Variants in TMEM131L observed in about 807,000 individuals in gnomAD.
TMEM131L encodes transmembrane protein 131-like.
Under a neutral mutation model 192.2 loss-of-function variants are expected in TMEM131L, and 54 were observed. The ratio of observed to expected loss-of-function variants is 0.28; its 90% confidence interval spans 0.23 to 0.35. The LOEUF (loss-of-function observed/expected upper bound fraction) is 0.35, where lower values mean the gene tolerates loss of function less well. TMEM131L is among the 10% of genes least tolerant of loss of function. TMEM131L has a pLI of 1.00. For missense variants in TMEM131L, 1,888 were observed against 1,972.9 expected (o/e 0.96, Z 0.82); for synonymous variants, 701 against 704.9 (o/e 0.99, Z 0.09).
intron 3 of TMEM131L, among the ~76,000 whole-genome samples, chr4:153,507,243 A>G (rs2150043679): frequency 6.6e-6 from 1 of 152,284 alleles, no homozygotes; most frequent in Non-Finnish European, 1.5e-5. Context: ...TGTCTTCATC[A>G]GTCTCTGGAT....
intron 3 of TMEM131L, among the ~76,000 whole-genome samples, chr4:153,545,567 A>G (rs764622016): frequency 4.6e-5 from 7 of 152,130 alleles, no homozygotes; most frequent in Admixed American, 3.3e-4. Flanking sequence ...GATTACAGGC[A>G]TGAGCCACCG....
At chr4:153,528,718 A>G (rs1055182956) in intron 3 of TMEM131L, among the ~76,000 whole-genome samples, 8 of 152,300 alleles carry the variant, frequency 5.3e-5, no homozygotes, top group Admixed American at 3.9e-4. Context: ...GGTACAGCGT[A>G]TGCCTCTGTT....
At chr4:153,596,489 A>C in intron 20 of TMEM131L, 104 bp downstream of exon 20, 1 of 1,393,834 alleles carries the variant, frequency 7.2e-7, no homozygotes, top group Non-Finnish European at 1.0e-6. Context: ...GACCTTCAGG[A>C]TGAAGGCTGT....
At chr4:153,533,239 C>T (rs1043881543) in intron 3 of TMEM131L, among the ~76,000 whole-genome samples, 2 of 152,192 alleles carry the variant, frequency 1.3e-5, no homozygotes, top group Non-Finnish European at 2.9e-5. Context: ...CCCGCCTTGG[C>T]CTCCCAAAGT....
intron 3 of TMEM131L, among the ~76,000 whole-genome samples, chr4:153,533,414 C>G (rs1260283247): frequency 1.3e-5 from 2 of 152,184 alleles, no homozygotes; most frequent in Non-Finnish European, 2.9e-5. Flanking sequence ...AGGTGCTGAG[C>G]CTCACCTCAG....
At position 153,636,391 on chromosome 4, in the gene TMEM131L, T is replaced by C; in HGVS notation, c.4648T>C (p.Cys1550Arg). 6.2e-7 allele frequency: 1 copy of C among 1,614,218 alleles called. No individual in the cohort carries two copies. Among genetic ancestry groups the C allele is most frequent in the Non-Finnish European group, 8.5e-7 (1 of 1,180,044 alleles). The change falls in exon 35 of 35, where the codon TGC (cysteine) becomes CGC (arginine). Residue 1550 changes from cysteine (C) to arginine (R), a missense_variant. Cys to Arg is a radical substitution (Grantham distance 180). Transcript: ENST00000409959. ...GCAAAGCGATGTGTATGAAAATTGCTGCCCCATCAACCCCACCACGGAACA... is the reference window on the plus strand; with the variant it reads ...GCAAAGCGATGTGTATGAAAATTGCCGCCCCATCAACCCCACCACGGAACA... ...APQSDVYENC[C>R]PINPTTEHST... is the part of the protein sequence containing the mutation.
rs182307225 is a variant in TMEM131L, at chr4:153,480,202, G to A, written c.239+6314G>A. On this transcript the variant is annotated intron_variant, in intron 3 of 34. Transcript: ENST00000409959. The stretch of plus-strand genomic sequence containing the variant: ...AAAATATAAAAAATTAGCTGGGCGT[G>A]GTGGCGGACGCCTGTAGTCCCAGCT... 4.3e-3 allele frequency among the ~76,000 whole-genome samples: 660 copies of A among 152,314 alleles called. 4 individuals carry two copies. In the Middle Eastern group the frequency reaches 0.044, roughly 10 times the overall value.
chr4:153,596,489 A>G (rs1469905707), intron 20 of TMEM131L, 104 bp downstream of exon 20: 28 of 1,393,716 alleles, frequency 2.0e-5, no homozygotes, highest in South Asian at 4.9e-5. Flanking sequence ...GACCTTCAGG[A>G]TGAAGGCTGT....
chr4:153,472,969 C>A (rs1437320817), intron 2 of TMEM131L, among the ~76,000 whole-genome samples: 2 of 152,254 alleles, frequency 1.3e-5, no homozygotes, highest in African/African-American at 4.8e-5. Flanking sequence ...CCTTAGAGAT[C>A]TGCAGCAGCA....
chr4:153,537,642 G>A (rs1317110959), intron 3 of TMEM131L, among the ~76,000 whole-genome samples: 1 of 152,190 alleles, frequency 6.6e-6, no homozygotes, highest in African/African-American at 2.4e-5. Flanking sequence ...CTTGGTTTTG[G>A]TGGGTTTCGG....
At chr4:153,601,616 A>T (rs1490734138) in intron 21 of TMEM131L, among the ~76,000 whole-genome samples, 1 of 152,220 alleles carries the variant, frequency 6.6e-6, no homozygotes, top group Non-Finnish European at 1.5e-5. Context: ...GATATTTAAA[A>T]ATTGTCATAA....
chr4:153,635,791 C>T (rs1311257031), intron 34 of TMEM131L, among the ~76,000 whole-genome samples: 1 of 152,164 alleles, frequency 6.6e-6, no homozygotes, highest in Non-Finnish European at 1.5e-5. Flanking sequence ...GACATTCTGG[C>T]CACCCCAAAT....
chr4:153,495,721 G>A (rs1386103976), intron 3 of TMEM131L, among the ~76,000 whole-genome samples: 1 of 152,124 alleles, frequency 6.6e-6, no homozygotes. Context: ...CCAACAGAAC[G>A]TTCTGGGGTA....
In TMEM131L at chr4:153,512,072, G is replaced by A. The variant is rs74862953; in HGVS notation, c.240-38001G>A. On this transcript the variant is annotated intron_variant, in intron 3 of 34. Coordinates refer to ENST00000409959, the MANE Select transcript of TMEM131L (RefSeq NM_001131007.2). Reference sequence around the variant, plus strand: ...GTTGAGATCGAGGAGAAAGGGAAATGATGTACTGTTTCCAACTCTTTTGAA... The same window carrying A: ...GTTGAGATCGAGGAGAAAGGGAAATAATGTACTGTTTCCAACTCTTTTGAA... Among the ~76,000 whole-genome samples, 1,098 of 146,530 alleles carry A rather than the reference G, an allele frequency of 7.5e-3. 13 individuals are homozygous for A. Among genetic ancestry groups the A allele is most frequent in the African/African-American group, 0.028 (1,046 of 36,778 alleles).
intron 19 of TMEM131L, 77 bp from the exon 20 acceptor site, chr4:153,596,180 TA>T: frequency 6.5e-7 from 1 of 1,527,394 alleles, no homozygotes; most frequent in Non-Finnish European, 9.0e-7. Flanking sequence ...CAATCGTGTT[TA>T]AACTCTAGGA....
Position 153,592,541 on chromosome 4 carries a change from T to A in TMEM131L, c.1879T>A (p.Leu627Met), listed in dbSNP as rs1207497734. ...CTCCTTGCAGCTCCTGCCTCTCTCC[T>A]TGTACCCTAAACCCGAAGCCCTAGT... is the stretch of plus-strand genomic sequence containing the variant. The part of the protein sequence containing the change: ...PVSLQLLPLS[L>M]YPKPEALVHL... The change falls in exon 18 of 35, where the codon TTG becomes ATG. Residue 627 changes from leucine (L) to methionine (M), a missense_variant. By Grantham distance (15) the Leu-to-Met change is conservative. Coordinates refer to ENST00000409959, the MANE Select transcript of TMEM131L (RefSeq NM_001131007.2). 6.2e-7 allele frequency: 1 copy of A among 1,614,166 alleles called. No homozygotes were observed. Among genetic ancestry groups the A allele is most frequent in the African/African-American group, 1.3e-5 (1 of 75,064 alleles).
At chr4:153,582,455 TTTTTG>T (rs1730425571) in intron 9 of TMEM131L, among the ~76,000 whole-genome samples, 1 of 139,940 alleles carries the variant, frequency 7.1e-6, no homozygotes, top group African/African-American at 2.9e-5. Flanking sequence ...TTTTTTTTTT[TTTTTG>T]TAGAGACAGG....
chr4:153,588,721 C>A lies in TMEM131L; in HGVS notation c.1553-169C>A, dbSNP rs187309952. Among the ~76,000 whole-genome samples the A allele has an allele frequency of 2.0e-4, 30 of 152,116 alleles. No individual in the cohort carries two copies. The East Asian group carries it at 4.8e-3, about 24-fold the overall frequency. ...TGTTTGTTTAATTTGATATCATTTG[C>A]CATTGAGTTAGAGGGACTTTTAATA... On this transcript the variant is annotated intron_variant, in intron 15 of 34. Transcript: ENST00000409959.
At chr4:153,499,660 C>T (rs905938264) in intron 3 of TMEM131L, among the ~76,000 whole-genome samples, 2 of 152,256 alleles carry the variant, frequency 1.3e-5, no homozygotes, top group Non-Finnish European at 2.9e-5. Context: ...CTCTTGACCT[C>T]GTGATCTGTC....
Sources: gnomAD v4.1 joint callset for allele counts (sites outside exome capture counted in the v4.1 genomes callset) on GRCh38, gnomAD v4.1.1 for gene constraint, MANE v1.5 for transcripts, NCBI Gene and HGNC (gene_info 2026-07-23, HGNC 2026-07-21) for gene names.